THSD7B: variants seen among roughly 807,000 people sequenced by gnomAD.
THSD7B encodes the protein thrombospondin type 1 domain containing 7B.
A neutral mutation model predicts 213.6 loss-of-function variants in THSD7B; 138 were observed. That is an observed-to-expected ratio of 0.65 (90% CI 0.56 to 0.74). The LOEUF (loss-of-function observed/expected upper bound fraction) is 0.74, where lower values mean the gene tolerates loss of function less well. Among genes scored for constraint, THSD7B ranks in the 30% least tolerant of loss-of-function variants. The pLI is 0.00. For synonymous variants in THSD7B, 742 were observed against 687.0 expected (o/e 1.08, Z -1.25); for missense variants, 1,931 against 1,991.5 (o/e 0.97, Z 0.58).
chr2:137,227,960 A>C (rs1681548022), intron 7 of THSD7B, among the ~76,000 whole-genome samples: 1 of 152,142 alleles, frequency 6.6e-6, no homozygotes, highest in African/African-American at 2.4e-5. Flanking sequence ...GAATAAATGA[A>C]TCCTAATCCT....
intron 12 of THSD7B, among the ~76,000 whole-genome samples, chr2:137,316,153 T>A (rs959673134): frequency 2.6e-5 from 4 of 152,236 alleles, no homozygotes; most frequent in African/African-American, 9.6e-5. Flanking sequence ...GTATATATTT[T>A]CACAGATCTG....
chr2:137,132,996 G>T (rs1688769505), intron 5 of THSD7B, among the ~76,000 whole-genome samples: 1 of 151,948 alleles, frequency 6.6e-6, no homozygotes, highest in Non-Finnish European at 1.5e-5. Context: ...TTTTCTCATG[G>T]GTCATATATT....
At chr2:137,292,494 A>G (rs1683358602) in intron 12 of THSD7B, among the ~76,000 whole-genome samples, 1 of 152,104 alleles carries the variant, frequency 6.6e-6, no homozygotes, top group East Asian at 1.9e-4. Context: ...TTGGAATGAC[A>G]TGTATGGCAT....
At chr2:137,404,322 A>G (rs184847701) in intron 12 of THSD7B, among the ~76,000 whole-genome samples, 114 of 151,096 alleles carry the variant, frequency 7.5e-4, no homozygotes, top group South Asian at 4.8e-3. Context: ...GTCATTATTC[A>G]GAAAAGATAC....
intron 21 of THSD7B, among the ~76,000 whole-genome samples, chr2:137,650,552 T>C (rs915858115): frequency 9.9e-5 from 15 of 152,216 alleles, no homozygotes; most frequent in African/African-American, 3.6e-4. Context: ...CGTCTTCCTT[T>C]CCAACTTAGA....
chr2:137,145,602 C>A (rs1372786483), intron 5 of THSD7B, among the ~76,000 whole-genome samples: 4 of 151,966 alleles, frequency 2.6e-5, no homozygotes, highest in Non-Finnish European at 5.9e-5. Context: ...ATTGAGAGCC[C>A]CCCATGCTGC....
At chr2:137,501,442 T>G (rs1380054078) in intron 15 of THSD7B, among the ~76,000 whole-genome samples, 1 of 151,902 alleles carries the variant, frequency 6.6e-6, no homozygotes, top group African/African-American at 2.4e-5. Flanking sequence ...AAAAAAAAAA[T>G]TTGGTAAAGG....
chr2:137,165,648 A>G (rs1007514738), intron 6 of THSD7B, among the ~76,000 whole-genome samples: 3 of 152,134 alleles, frequency 2.0e-5, no homozygotes, highest in Non-Finnish European at 4.4e-5. Context: ...ACTCTGGGAT[A>G]TAAGCGGGAG....
intron 2 of THSD7B, among the ~76,000 whole-genome samples, chr2:137,039,324 T>C (rs1290802279): frequency 6.6e-6 from 1 of 152,196 alleles, no homozygotes; most frequent in Admixed American, 6.5e-5. Context: ...AACGATATAT[T>C]AATAGTCTAT....
chr2:136,834,572 G>A (rs902584569), intron 1 of THSD7B, among the ~76,000 whole-genome samples: 1 of 152,006 alleles, frequency 6.6e-6, no homozygotes, highest in African/African-American at 2.4e-5. Context: ...GCATCTCGGT[G>A]TCAGAGTTTT....
Position 137,404,466 on chromosome 2 carries a change from T to TACACAC in THSD7B, c.2501-1146_2501-1145insCACACA, listed in dbSNP as rs1267898611. ...ATATATATATATATATATATATATA[T>TACACAC]ATATATATACACACACACACACACA... is the stretch of plus-strand genomic sequence containing the variant. On this transcript the variant is annotated intron_variant, in intron 12 of 27. Transcript: ENST00000409968. 3.9e-3 allele frequency among the ~76,000 whole-genome samples: 291 copies of TACACAC among 73,850 alleles called. 1 individual carries two copies. The highest frequency in any genetic ancestry group is 0.018 in the Middle Eastern group (2 of 114). The allele number at this position is 73,850 out of a possible 152,430, so 48.4% of individuals were successfully genotyped here. A position where few individuals can be genotyped will look rare whatever the true frequency, so the allele number is the denominator to read the frequency against.
At chr2:136,935,129 A>G (rs1407424543) in intron 2 of THSD7B, among the ~76,000 whole-genome samples, 1 of 152,170 alleles carries the variant, frequency 6.6e-6, no homozygotes, top group Non-Finnish European at 1.5e-5. Context: ...ACAGCATTCA[A>G]ACACTTCTAA....
chr2:137,477,209 T>C (rs1273149223), intron 15 of THSD7B, among the ~76,000 whole-genome samples: 2 of 152,234 alleles, frequency 1.3e-5, no homozygotes, highest in Non-Finnish European at 2.9e-5. Flanking sequence ...AGTGTATACA[T>C]GTTTACAATT....
At chr2:137,399,939 T>A (rs1274919559) in intron 12 of THSD7B, among the ~76,000 whole-genome samples, 1 of 152,184 alleles carries the variant, frequency 6.6e-6, no homozygotes, top group African/African-American at 2.4e-5. Context: ...TCAAATGATG[T>A]GTGTTCAGGT....
intron 1 of THSD7B, among the ~76,000 whole-genome samples, chr2:136,873,299 T>C (rs1345937004): frequency 2.6e-5 from 4 of 152,184 alleles, no homozygotes; most frequent in Non-Finnish European, 5.9e-5. Flanking sequence ...TTTTATGGTA[T>C]GCATTCCCAT....
chr2:137,659,979 A>T (rs2104820568), intron 25 of THSD7B, among the ~76,000 whole-genome samples: 1 of 152,218 alleles, frequency 6.6e-6, no homozygotes. Flanking sequence ...CAAATACCTA[A>T]TTTATGTTAG....
chr2:137,164,900 G>T (rs1680094747), intron 6 of THSD7B, among the ~76,000 whole-genome samples: 1 of 152,114 alleles, frequency 6.6e-6, no homozygotes, highest in South Asian at 2.1e-4. Context: ...GAGAGGGGAG[G>T]AATGGCATTA....
chr2:137,579,325 G>GT (rs1681526787), intron 17 of THSD7B, among the ~76,000 whole-genome samples: 2 of 152,088 alleles, frequency 1.3e-5, no homozygotes. Flanking sequence ...TGAGACATTG[G>GT]TTTTTTCCTG....
At chr2:137,038,521 C>A (rs547681406) in intron 2 of THSD7B, among the ~76,000 whole-genome samples, 1 of 152,292 alleles carries the variant, frequency 6.6e-6, no homozygotes, top group South Asian at 2.1e-4. Flanking sequence ...TAGTCTTAGA[C>A]TAGACGGAAC....
Sources: allele counts gnomAD v4.1 joint callset (sites outside exome capture counted in the v4.1 genomes callset), GRCh38; gene constraint gnomAD v4.1.1; transcripts MANE v1.5; gene names NCBI Gene and HGNC (gene_info 2026-07-23, HGNC 2026-07-21).